ARMC10: variants seen among roughly 807,000 people sequenced by gnomAD.
ARMC10 encodes armadillo repeat-containing protein 10.
Under a neutral mutation model 30.2 loss-of-function variants are expected in ARMC10, and 23 were observed. That is an observed-to-expected ratio of 0.76 (90% CI 0.55 to 1.08). The LOEUF (loss-of-function observed/expected upper bound fraction) is 1.08, where lower values mean the gene tolerates loss of function less well. Among genes scored for constraint, ARMC10 ranks in the 50% least tolerant of loss-of-function variants. ARMC10 has a pLI of 0.00. For missense variants in ARMC10, 303 were observed against 413.7 expected (o/e 0.73, Z 2.32); for synonymous variants, 111 against 164.4 (o/e 0.68, Z 2.48).
Position 103,086,663 on chromosome 7 carries a change from G to A in ARMC10, c.427G>A (p.Val143Ile). 1 of 1,573,268 alleles carries A rather than the reference G, an allele frequency of 6.4e-7. No individual in the cohort carries two copies. The highest frequency in any genetic ancestry group is 8.6e-7 in the Non-Finnish European group (1 of 1,167,360). The part of the protein sequence containing the change: ...IIRELGGIPI[V>I]ANKINHSNQS... ...TCGTGAATTGGGTGGTATTCCAATT[G>A]TTGCAAACAAAATCAACCATTCCAA... Residue 143 changes from valine (V) to isoleucine (I), a missense_variant, in exon 4 of 7, where the codon GTT becomes ATT. Physicochemically the swap from Val to Ile is conservative, Grantham distance 29. Around this residue, in one of 4 missense-constraint regions of ARMC10, gnomAD observed 170 missense variants for 207.2 expected, o/e 0.82. Transcript: ENST00000323716.
At chr7:103,090,696 C>T (rs1002775843) in intron 4 of ARMC10, among the ~76,000 whole-genome samples, 7 of 146,720 alleles carry the variant, frequency 4.8e-5, no homozygotes, top group African/African-American at 1.0e-4. Context: ...GGGGTCTCAC[C>T]GTGTTGACCA....
chr7:103,087,896 C>A, intron 4 of ARMC10: 1 of 469,290 alleles, frequency 2.1e-6, no homozygotes, highest in Non-Finnish European at 2.8e-6. Context: ...AAAAGCAGAC[C>A]ATTCTTAATG....
intron 4 of ARMC10, 133 bp downstream of exon 4, chr7:103,086,897 A>T (rs1258425281): frequency 6.6e-7 from 1 of 1,522,288 alleles, no homozygotes; most frequent in Non-Finnish European, 8.8e-7. Context: ...GGAATGGAGA[A>T]TAAGACAGAA....
rs1009828423 is a variant in ARMC10 at position 103,098,759 on chromosome 7, ATTTC to A, written c.*212_*215del. On this transcript the variant is annotated 3_prime_UTR_variant, in exon 7 of 7. Transcript: ENST00000323716. ...ATAAGAGCTTGTACTGAAACCATTTATTTCTTTCTATTTTGCTATTTGCAAATGC... is the reference window on the plus strand; with the variant it reads ...ATAAGAGCTTGTACTGAAACCATTTATTTCTATTTTGCTATTTGCAAATGC... 2 of 547,128 alleles carry A rather than the reference ATTTC, an allele frequency of 3.7e-6. No homozygotes were observed. The highest frequency in any genetic ancestry group is 3.9e-5 in the African/African-American group (2 of 51,860). 33.9% of individuals were successfully genotyped at this position (547,128 alleles called of 1,614,324 possible). A position where few individuals can be genotyped will look rare whatever the true frequency, so the allele number is the denominator to read the frequency against.
chr7:103,080,273 G>A (rs1173739145), intron 2 of ARMC10, among the ~76,000 whole-genome samples: 1 of 152,190 alleles, frequency 6.6e-6, no homozygotes, highest in Non-Finnish European at 1.5e-5. Context: ...TTGTTGTTTT[G>A]AGATGGAGTG....
intron 2 of ARMC10, 45 bp downstream of exon 2, chr7:103,075,926 C>T (rs2129518494): frequency 9.4e-6 from 13 of 1,377,334 alleles, no homozygotes; most frequent in Non-Finnish European, 1.2e-5. Context: ...CGAGACACAC[C>T]CTCCCAGCGG....
intron 3 of ARMC10, among the ~76,000 whole-genome samples, chr7:103,085,171 AC>A (rs1426934164): frequency 6.2e-5 from 8 of 129,888 alleles, no homozygotes; most frequent in African/African-American, 1.9e-4. Context: ...GTAGGCCAGT[AC>A]CCACTGGAGA....
intron 2 of ARMC10, among the ~76,000 whole-genome samples, chr7:103,077,582 C>A (rs1800000080): frequency 6.6e-6 from 1 of 152,164 alleles, no homozygotes; most frequent in Non-Finnish European, 1.5e-5. Context: ...TTAATTCATT[C>A]ATGAGGACAG....
intron 3 of ARMC10, 72 bp from the exon 4 acceptor site, chr7:103,086,558 G>A: frequency 2.1e-6 from 3 of 1,454,502 alleles, no homozygotes; most frequent in Non-Finnish European, 2.8e-6. Flanking sequence ...ATTTGTGGAT[G>A]CAAAGAATTC....
At chr7:103,081,483 C>T (rs1179108792) in intron 2 of ARMC10, among the ~76,000 whole-genome samples, 2 of 152,192 alleles carry the variant, frequency 1.3e-5, no homozygotes, top group Non-Finnish European at 2.9e-5. Context: ...GCAATTTTCC[C>T]GCCTCGGCCT....
intron 5 of ARMC10, 198 bp from the exon 6 acceptor site, chr7:103,097,079 G>T: frequency 1.7e-6 from 1 of 592,028 alleles, no homozygotes; most frequent in Non-Finnish European, 3.0e-6. Context: ...TAAGAGTGCT[G>T]CCAAGTGTTA....
At chr7:103,086,034 G>A (rs951731414) in intron 3 of ARMC10, among the ~76,000 whole-genome samples, 1 of 151,880 alleles carries the variant, frequency 6.6e-6, no homozygotes, top group Non-Finnish European at 1.5e-5. Context: ...ACATACTATC[G>A]TCAACACACC....
chr7:103,084,185 G>A (rs1417598059), intron 3 of ARMC10: 1 of 470,740 alleles, frequency 2.1e-6, no homozygotes, highest in Admixed American at 3.8e-5. Flanking sequence ...TTGTATATCG[G>A]TCTTATGAAT....
chr7:103,082,757 CT>C (rs1293274633), intron 2 of ARMC10, among the ~76,000 whole-genome samples: 2 of 152,038 alleles, frequency 1.3e-5, no homozygotes, highest in Non-Finnish European at 2.9e-5. Context: ...TATAAAATGG[CT>C]TCTGTTCTTC....
intron 6 of ARMC10, among the ~76,000 whole-genome samples, chr7:103,097,594 T>C (rs371671841): frequency 8.5e-5 from 13 of 152,364 alleles, no homozygotes; most frequent in African/African-American, 3.1e-4. Context: ...CTTTTTTCTC[T>C]ACCCAATTTT....
rs1449396342 is a variant in ARMC10, at chr7:103,075,768, T to C, written c.140-9T>C. The C allele has an allele frequency of 1.3e-6, 2 of 1,599,632 alleles. No individual in the cohort carries two copies. The highest frequency in any genetic ancestry group is 4.5e-5 in the East Asian group (2 of 44,250). On this transcript the variant is annotated splice_polypyrimidine_tract_variant and intron_variant, in intron 1 of 6. Coordinates refer to ENST00000323716, the MANE Select transcript of ARMC10 (RefSeq NM_031905.5). ...GGGCCCAGAGCCATAGGTCAATCTC[T>C]GCTTGCAGGTGCCCTGGAAGAAGGG...
At chr7:103,075,956 T>C in intron 2 of ARMC10, 75 bp downstream of exon 2, 1 of 1,178,810 alleles carries the variant, frequency 8.5e-7, no homozygotes. Context: ...TGATTCGGTT[T>C]CTGTCCAAAA....
At chr7:103,084,463 A>G (rs1800658893) in intron 3 of ARMC10, among the ~76,000 whole-genome samples, 1 of 152,256 alleles carries the variant, frequency 6.6e-6, no homozygotes, top group Non-Finnish European at 1.5e-5. Flanking sequence ...TTTCTCCAGA[A>G]TGGCAAGGTT....
intron 4 of ARMC10, chr7:103,087,631 C>T (rs749076775): frequency 8.4e-6 from 2 of 238,078 alleles, no homozygotes; most frequent in Admixed American, 6.5e-5. Context: ...AAGACAATCA[C>T]GAAACAAGAG....
Sources: gnomAD v4.1 joint callset for allele counts (sites outside exome capture counted in the v4.1 genomes callset) on GRCh38, gnomAD v4.1.1 for gene constraint, gnomAD v4.1.1 regional missense constraint, MANE v1.5 for transcripts, NCBI Gene and HGNC (gene_info 2026-07-23, HGNC 2026-07-21) for gene names.